The following AGBL1 variants were observed in gnomAD, a reference collection of about 807,000 sequenced individuals.
AGBL1 encodes AGBL carboxypeptidase 1.
A neutral mutation model predicts 118.9 loss-of-function variants in AGBL1; 130 were observed. The ratio of observed to expected loss-of-function variants is 1.09; its 90% CI spans 0.95 to 1.26. AGBL1 has a LOEUF of 1.26. AGBL1 is among the 50% of genes most tolerant of loss of function. The pLI is 0.00. For synonymous variants in AGBL1, 555 were observed against 478.9 expected (o/e 1.16, Z -2.08); for missense variants, 1,584 against 1,298.1 (o/e 1.22, Z -3.38).
intron 21 of AGBL1, among the ~76,000 whole-genome samples, chr15:86,669,565 A>C (rs2085704893): frequency 6.6e-6 from 1 of 152,196 alleles, no homozygotes; most frequent in Non-Finnish European, 1.5e-5. Context: ...CTTGTCAATA[A>C]ATTCTAAATA....
At chr15:87,007,990 T>C (rs2081521632) in intron 24 of AGBL1, among the ~76,000 whole-genome samples, 1 of 152,244 alleles carries the variant, frequency 6.6e-6, no homozygotes, top group African/African-American at 2.4e-5. Flanking sequence ...ATTTGGATTA[T>C]TCATTGCTGA....
intron 23 of AGBL1, among the ~76,000 whole-genome samples, chr15:86,953,122 T>C (rs1306473552): frequency 1.3e-5 from 2 of 152,196 alleles, no homozygotes; most frequent in Non-Finnish European, 2.9e-5. Context: ...CTTTGTTCTT[T>C]TTGTTTACAA....
At chr15:86,830,167 T>C (rs2079084336) in intron 22 of AGBL1, among the ~76,000 whole-genome samples, 1 of 152,162 alleles carries the variant, frequency 6.6e-6, no homozygotes, top group African/African-American at 2.4e-5. Flanking sequence ...ACTCTCAGAA[T>C]TAAGTTTTAA....
intron 18 of AGBL1, among the ~76,000 whole-genome samples, chr15:86,497,086 T>C (rs2082863914): frequency 6.6e-6 from 1 of 151,990 alleles, no homozygotes; most frequent in Non-Finnish European, 1.5e-5. Context: ...AAAGCTGACT[T>C]ATCTAGCCAT....
At chr15:86,258,854 C>T (rs140720474) in intron 9 of AGBL1, among the ~76,000 whole-genome samples, 169 of 152,224 alleles carry the variant, frequency 1.1e-3, no homozygotes, top group African/African-American at 3.8e-3. Context: ...CTGCAGATGC[C>T]TACCACCACA....
intron 22 of AGBL1, among the ~76,000 whole-genome samples, chr15:86,760,213 A>T (rs1235778959): frequency 1.3e-5 from 2 of 152,064 alleles, no homozygotes; most frequent in Non-Finnish European, 1.5e-5. Flanking sequence ...GGAGAAAATG[A>T]GAAGCAGGGG....
intron 5 of AGBL1, among the ~76,000 whole-genome samples, chr15:86,219,031 A>C (rs570397168): frequency 6.6e-6 from 1 of 152,360 alleles, no homozygotes; most frequent in South Asian, 2.1e-4. Context: ...ATTGATAACT[A>C]ATATGGGTGG....
chr15:86,824,522 A>T (rs1366198095), intron 22 of AGBL1, among the ~76,000 whole-genome samples: 1 of 148,858 alleles, frequency 6.7e-6, no homozygotes, highest in African/African-American at 2.5e-5. Flanking sequence ...AAATTGATCT[A>T]TAGGCTTAAT....
chr15:86,840,406 C>G (rs969676009), intron 22 of AGBL1, among the ~76,000 whole-genome samples: 1 of 152,170 alleles, frequency 6.6e-6, no homozygotes, highest in East Asian at 1.9e-4. Context: ...AAGATGCAAC[C>G]CAGGATGCTC....
Position 86,144,710 on chromosome 15 carries a change from G to C in AGBL1, c.262+865G>C, listed in dbSNP as rs576872367. Among the ~76,000 whole-genome samples, 7 of 152,066 alleles carry C rather than the reference G, an allele frequency of 4.6e-5. No individual in the cohort carries two copies. In the South Asian group the frequency reaches 1.2e-3, roughly 27 times the overall value. On this transcript the variant is annotated intron_variant, in intron 3 of 22. Coordinates refer to ENST00000614907, the MANE Select transcript of AGBL1 (RefSeq NM_001386094.1). ...AGAGGCTTAGAAAAAATAACTAATT[G>C]GTACTAGGCTTAATACCTGGATGCT...
rs542960583 is a variant in AGBL1, at chr15:86,815,923, G to A, written c.3159-91164G>A. 4.6e-5 allele frequency among the ~76,000 whole-genome samples: 7 copies of A among 152,224 alleles called. No homozygotes were observed. The East Asian group carries it at 1.4e-3, about 29-fold the overall frequency. On this transcript the variant is annotated intron_variant, in intron 22 of 22. Transcript: ENST00000614907. Reference sequence around the variant, plus strand: ...GATGCTTTGGGGAAGGAAACGGTGGGGAAGCATAAAGTAAGTTCGTTGTTC... The same window carrying A: ...GATGCTTTGGGGAAGGAAACGGTGGAGAAGCATAAAGTAAGTTCGTTGTTC...
At chr15:86,859,072 T>A (rs1596559032) in intron 22 of AGBL1, among the ~76,000 whole-genome samples, 2 of 152,240 alleles carry the variant, frequency 1.3e-5, no homozygotes, top group African/African-American at 4.8e-5. Flanking sequence ...CCTGTTTTGC[T>A]GTGCTGCTGT....
chr15:86,812,889 G>A (rs2078809586), intron 22 of AGBL1, among the ~76,000 whole-genome samples: 1 of 152,032 alleles, frequency 6.6e-6, no homozygotes, highest in Non-Finnish European at 1.5e-5. Context: ...TATAATATTT[G>A]CAGTTATATA....
rs11436174 is a variant in AGBL1, at chr15:86,684,463, CT to C, written c.3158+10038del. ...TAGTTAGTACCTAGCATAGTTCTCT[CT>C]TTTTTTTTTTCTTTTTTCTCTTCTA... On this transcript the variant is annotated intron_variant, in intron 22 of 22. Coordinates refer to ENST00000614907, the MANE Select transcript of AGBL1 (RefSeq NM_001386094.1). 1.1e-4 allele frequency among the ~76,000 whole-genome samples: 16 copies of C among 146,060 alleles called. No individual in the cohort carries two copies. In the East Asian group the frequency reaches 1.8e-3, roughly 17 times the overall value.
intron 22 of AGBL1, among the ~76,000 whole-genome samples, chr15:86,701,476 A>C (rs1020421052): frequency 6.6e-5 from 10 of 152,118 alleles, no homozygotes; most frequent in Admixed American, 4.6e-4. Flanking sequence ...AAAGATATAC[A>C]TCATCAGAAT....
chr15:86,264,821 A>G lies in AGBL1; in HGVS notation c.1650A>G (p.Arg550=). The G allele has an allele frequency of 6.2e-7, 1 of 1,607,504 alleles. No homozygotes were observed. Among genetic ancestry groups the G allele is most frequent in the Non-Finnish European group, 8.5e-7 (1 of 1,177,556 alleles). Reference sequence around the variant, plus strand: ...CCACCACCCAGCCTATGTTGGAACGAAAATGTGGAGTCCAAAGGTGATGGC... The same window carrying G: ...CCACCACCCAGCCTATGTTGGAACGGAAATGTGGAGTCCAAAGGTGATGGC... ...PPPTTQPMLE[R]KCGVQRIRIF... is the part of the protein sequence containing the mutation. The change falls in exon 11 of 23, where the codon CGA becomes CGG. Residue 550 remains arginine (R), a synonymous_variant. Transcript: ENST00000614907.
At chr15:86,159,290 C>G (rs1308143933) in intron 5 of AGBL1, among the ~76,000 whole-genome samples, 1 of 152,130 alleles carries the variant, frequency 6.6e-6, no homozygotes, top group African/African-American at 2.4e-5. Flanking sequence ...AGAGCCTTAT[C>G]CAAGGTCCCT....
chr15:86,416,008 A>G (rs1264886323), intron 18 of AGBL1, among the ~76,000 whole-genome samples: 1 of 152,206 alleles, frequency 6.6e-6, no homozygotes, highest in African/African-American at 2.4e-5. Context: ...GCCTTGGACA[A>G]AGAGGCTATT....
intron 21 of AGBL1, among the ~76,000 whole-genome samples, chr15:86,642,096 T>C (rs1379834660): frequency 1.3e-5 from 2 of 152,176 alleles, no homozygotes; most frequent in Non-Finnish European, 2.9e-5. Context: ...AAATAATCTT[T>C]TGGCCAAAGC....
Sources: gnomAD v4.1 joint callset for allele counts (sites outside exome capture counted in the v4.1 genomes callset) on GRCh38, gnomAD v4.1.1 for gene constraint, MANE v1.5 for transcripts, NCBI Gene and HGNC (gene_info 2026-07-23, HGNC 2026-07-21) for gene names.